Variants in NTRK2 observed in about 807,000 individuals in gnomAD.
NTRK2 encodes neurotrophic receptor tyrosine kinase 2.
Under a neutral mutation model 94.5 loss-of-function variants are expected in NTRK2, and 13 were observed. The ratio of observed to expected loss-of-function variants is 0.14; its 90% CI spans 0.09 to 0.22. The LOEUF (loss-of-function observed/expected upper bound fraction) is 0.22. Ranked by LOEUF, NTRK2 falls within the 10% of genes least tolerant of loss-of-function variation. The pLI is 1.00. For missense variants in NTRK2, 639 were observed against 1,071.2 expected (o/e 0.60, Z 5.63); for synonymous variants, 372 against 407.4 (o/e 0.91, Z 1.05).
At chr9:84,847,198 C>T (rs1031548296) in intron 12 of NTRK2, among the ~76,000 whole-genome samples, 4 of 152,168 alleles carry the variant, frequency 2.6e-5, no homozygotes, top group African/African-American at 9.7e-5. Context: ...ATCTCCATAA[C>T]AGGCCAATTC....
At chr9:84,993,902 G>T (rs1829405112) in intron 17 of NTRK2, among the ~76,000 whole-genome samples, 2 of 152,122 alleles carry the variant, frequency 1.3e-5, no homozygotes, top group African/African-American at 4.8e-5. Context: ...TTCAGGTCTT[G>T]CTTGAATGTT....
intron 12 of NTRK2, among the ~76,000 whole-genome samples, chr9:84,840,265 C>CTTTT (rs1158579395): frequency 2.0e-5 from 2 of 101,838 alleles, no homozygotes; most frequent in African/African-American, 3.6e-5. Flanking sequence ...ATTGACAATT[C>CTTTT]TTTTTTTTTT....
chr9:84,679,965 C>T (rs536940123), intron 2 of NTRK2, among the ~76,000 whole-genome samples: 1 of 151,964 alleles, frequency 6.6e-6, no homozygotes, highest in Non-Finnish European at 1.5e-5. Context: ...CATTCCTGGC[C>T]CACTTCTGTG....
intron 14 of NTRK2, chr9:84,876,338 C>T (rs10780691): frequency 0.48 from 505,744 of 1,049,362 alleles, 126,204 homozygotes; most frequent in South Asian, 0.52. Context: ...GCAGAGATGG[C>T]ACCACTAAGC....
At chr9:84,926,124 T>C (rs1307389718) in intron 14 of NTRK2, among the ~76,000 whole-genome samples, 1 of 41,720 alleles carries the variant, frequency 2.4e-5, no homozygotes, top group African/African-American at 6.8e-5. Context: ...CTTCCTTCCT[T>C]CCTTCCTTCC....
chr9:84,746,593 C>G (rs2064097555), intron 11 of NTRK2, among the ~76,000 whole-genome samples: 1 of 152,096 alleles, frequency 6.6e-6, no homozygotes, highest in Non-Finnish European at 1.5e-5. Flanking sequence ...CATATGAAAG[C>G]CACACTCTTC....
rs148119126 is a variant in NTRK2 at position 85,008,630 on chromosome 9, A to T, written c.2173-11576A>T. On this transcript the variant is annotated intron_variant, in intron 17 of 18. Transcript: ENST00000277120. ...TTGTCCCAGATTCTATGAATAAAAA[A>T]CCTGGGCTTAAAGGGAGGTGATGTC... Among the ~76,000 whole-genome samples the T allele has an allele frequency of 1.1e-4, 16 of 152,290 alleles. No individual in the cohort carries two copies. The East Asian group carries it at 3.1e-3, about 29-fold the overall frequency.
intron 17 of NTRK2, among the ~76,000 whole-genome samples, chr9:84,991,493 C>T (rs1011914541): frequency 1.7e-4 from 26 of 152,188 alleles, no homozygotes; most frequent in African/African-American, 6.3e-4. Flanking sequence ...GGTCGGTTCT[C>T]AACCGTGGAA....
At chr9:84,959,862 T>G (rs966198996) in intron 17 of NTRK2, among the ~76,000 whole-genome samples, 1 of 152,194 alleles carries the variant, frequency 6.6e-6, no homozygotes, top group Non-Finnish European at 1.5e-5. Context: ...TGAGACCATT[T>G]AAATTTTTGT....
intron 14 of NTRK2, among the ~76,000 whole-genome samples, chr9:84,916,386 G>C (rs2077394356): frequency 6.6e-6 from 1 of 152,148 alleles, no homozygotes; most frequent in South Asian, 2.1e-4. Context: ...AGGCAGGGTG[G>C]TTAAAAACAT....
intron 13 of NTRK2, among the ~76,000 whole-genome samples, chr9:84,864,933 G>A (rs1333664479): frequency 6.6e-6 from 1 of 151,632 alleles, no homozygotes; most frequent in Non-Finnish European, 1.5e-5. Context: ...TTGAGACAGG[G>A]TTTCACCATG....
intron 18 of NTRK2, among the ~76,000 whole-genome samples, chr9:85,020,592 G>T (rs1389807144): frequency 6.6e-6 from 1 of 152,174 alleles, no homozygotes; most frequent in Non-Finnish European, 1.5e-5. Flanking sequence ...TTGCTCCTCT[G>T]GTGATGGGAC....
intron 14 of NTRK2, chr9:84,872,372 G>A: frequency 9.1e-7 from 1 of 1,094,348 alleles, no homozygotes; most frequent in East Asian, 4.3e-5. Context: ...TGAAGGGCAG[G>A]AGTGTGTTTT....
In NTRK2 at chr9:85,025,465, A is replaced by G. The variant is rs2118115092; in HGVS notation, c.*4028A>G. 1 of 233,232 alleles carries G rather than the reference A, an allele frequency of 4.3e-6. No individual in the cohort carries two copies. Among genetic ancestry groups the G allele is most frequent in the South Asian group, 1.8e-4 (1 of 5,528 alleles). The allele number at this position is 233,232 out of a possible 1,614,324, so 14.4% of individuals were successfully genotyped here. ...CCCCACAGCGAGATGAGCAACTCTT[A>G]GGAATTCCCACATCCTAGAGTGAAT... On this transcript the variant is annotated 3_prime_UTR_variant, in exon 19 of 19. Coordinates refer to ENST00000277120, the MANE Select transcript of NTRK2 (RefSeq NM_006180.6).
intron 17 of NTRK2, among the ~76,000 whole-genome samples, chr9:84,957,185 A>T (rs1824242871): frequency 6.6e-6 from 1 of 152,216 alleles, no homozygotes; most frequent in South Asian, 2.1e-4. Context: ...AGGGAGGGAC[A>T]TGTGGCCCAG....
chr9:84,789,187 G>A (rs2068457040), intron 12 of NTRK2, among the ~76,000 whole-genome samples: 2 of 152,188 alleles, frequency 1.3e-5, no homozygotes. Flanking sequence ...AGAAGAAACA[G>A]TGAGGCTAAC....
intron 15 of NTRK2, among the ~76,000 whole-genome samples, chr9:84,945,391 C>A (rs1310547328): frequency 1.3e-5 from 2 of 152,126 alleles, no homozygotes; most frequent in African/African-American, 4.8e-5. Flanking sequence ...AGGCATGTAC[C>A]CAACACCATT....
At chr9:84,787,960 C>T (rs560227030) in intron 12 of NTRK2, among the ~76,000 whole-genome samples, 4 of 152,082 alleles carry the variant, frequency 2.6e-5, no homozygotes, top group East Asian at 1.9e-4. Context: ...GCCTCAGTTT[C>T]GCACCTCTAA....
intron 17 of NTRK2, among the ~76,000 whole-genome samples, chr9:84,972,247 AT>A (rs1424435279): frequency 6.6e-6 from 1 of 152,206 alleles, no homozygotes; most frequent in Non-Finnish European, 1.5e-5. Context: ...TAGAAGTTTC[AT>A]GAAGCAGATT....
Sources: allele counts gnomAD v4.1 joint callset (sites outside exome capture counted in the v4.1 genomes callset), GRCh38; gene constraint gnomAD v4.1.1; transcripts MANE v1.5; gene names NCBI Gene and HGNC (gene_info 2026-07-23, HGNC 2026-07-21).